Variants in MROH9 observed in about 807,000 individuals in gnomAD.
MROH9 encodes the protein maestro heat like repeat family member 9.
MROH9 carries 92 observed loss-of-function variants against 98.2 expected under a neutral mutation model. The observed-to-expected ratio is 0.94, with a 90% CI of 0.79 to 1.11. MROH9 has a LOEUF of 1.11. MROH9 is among the 50% of genes most tolerant of loss of function. The pLI, the probability that MROH9 is intolerant of heterozygous loss-of-function variation, is 0.00. For synonymous variants in MROH9, 397 were observed against 368.9 expected (o/e 1.08, Z -0.87); for missense variants, 1,057 against 1,014.8 (o/e 1.04, Z -0.57).
chr1:170,951,652 T>C (rs1649556953), intron 3 of MROH9, among the ~76,000 whole-genome samples: 1 of 152,106 alleles, frequency 6.6e-6, no homozygotes, highest in Non-Finnish European at 1.5e-5. Context: ...GAAAGACACC[T>C]CCTAGCTGAA....
chr1:171,004,536 G>C (rs1204263836), intron 15 of MROH9, among the ~76,000 whole-genome samples: 3 of 152,162 alleles, frequency 2.0e-5, no homozygotes, highest in Admixed American at 6.5e-5. Flanking sequence ...CTCCAGTCAG[G>C]TTGTGTGTTT....
At chr1:170,935,982 CAAAAAAA>C (rs59883013) in intron 1 of MROH9, among the ~76,000 whole-genome samples, 13,254 of 61,570 alleles carry the variant, frequency 0.22, 189 homozygotes, top group South Asian at 0.28. Flanking sequence ...CAGAGTGAGA[CAAAAAAA>C]AAAAAAAAAA....
Position 170,976,836 on chromosome 1 carries a change from G to A in MROH9, c.616+4953G>A, listed in dbSNP as rs759056826. Reference sequence around the variant, plus strand: ...TATCCTGAAATGTTTCCAAGTTGTTGGCTTTCTCTCCATCTATTGCAGGGA... The same window carrying A: ...TATCCTGAAATGTTTCCAAGTTGTTAGCTTTCTCTCCATCTATTGCAGGGA... On this transcript the variant is annotated intron_variant, in intron 8 of 21. Coordinates refer to ENST00000367759, the MANE Select transcript of MROH9 (RefSeq NM_001163629.2). Among the ~76,000 whole-genome samples, 96 of 152,184 alleles carry A rather than the reference G, an allele frequency of 6.3e-4. 1 individual carries two copies. The highest frequency in any genetic ancestry group is 6.8e-3 in the Middle Eastern group (2 of 294).
At chr1:170,940,261 G>C (rs536960290) in intron 1 of MROH9, among the ~76,000 whole-genome samples, 1 of 152,128 alleles carries the variant, frequency 6.6e-6, no homozygotes, top group African/African-American at 2.4e-5. Context: ...GAGATAGAAG[G>C]CCTCTGAATT....
At chr1:171,059,445 T>C (rs1464748371) in intron 20 of MROH9, among the ~76,000 whole-genome samples, 1 of 152,184 alleles carries the variant, frequency 6.6e-6, no homozygotes, top group Admixed American at 6.5e-5. Flanking sequence ...TTGGTGGGAA[T>C]GTAGATTAGT....
chr1:171,015,134 G>A (rs1285551888), intron 16 of MROH9: 1 of 456,922 alleles, frequency 2.2e-6, no homozygotes, highest in Non-Finnish European at 4.5e-6. Context: ...ATAAATCGTT[G>A]TTTATCTAAT....
chr1:171,040,621 C>T (rs1044683742), intron 20 of MROH9, among the ~76,000 whole-genome samples: 3 of 152,092 alleles, frequency 2.0e-5, no homozygotes, highest in East Asian at 1.9e-4. Flanking sequence ...TGGACACCCT[C>T]TAGCCATGTG....
chr1:171,044,341 A>C (rs1453504424), intron 20 of MROH9, among the ~76,000 whole-genome samples: 2 of 152,138 alleles, frequency 1.3e-5, no homozygotes, highest in Admixed American at 1.3e-4. Flanking sequence ...TGATCTTTCT[A>C]ATGCATTGTT....
intron 20 of MROH9, among the ~76,000 whole-genome samples, 170 bp downstream of exon 20, chr1:171,025,590 A>G (rs1437269918): frequency 6.6e-6 from 1 of 152,210 alleles, no homozygotes; most frequent in Non-Finnish European, 1.5e-5. Flanking sequence ...GTTCTATTTT[A>G]TAATACACAG....
At chr1:171,055,032 TA>T (rs375031261) in intron 20 of MROH9, among the ~76,000 whole-genome samples, 2,127 of 122,310 alleles carry the variant, frequency 0.017, 13 homozygotes, top group Non-Finnish European at 0.018. Context: ...GAAGTCATTA[TA>T]AAAAAAAAAA....
intron 17 of MROH9, among the ~76,000 whole-genome samples, chr1:171,019,363 A>G (rs1405387494): frequency 1.3e-5 from 2 of 151,886 alleles, no homozygotes; most frequent in Non-Finnish European, 2.9e-5. Context: ...TCATAAGGCT[A>G]GAAACATCGG....
At chr1:171,032,182 C>T (rs550862731) in intron 20 of MROH9, among the ~76,000 whole-genome samples, 2 of 152,120 alleles carry the variant, frequency 1.3e-5, no homozygotes, top group Admixed American at 6.5e-5. Context: ...CTCCTATAAC[C>T]TTTTATCAAA....
At chr1:171,029,525 G>A (rs948997236) in intron 20 of MROH9, among the ~76,000 whole-genome samples, 2 of 152,096 alleles carry the variant, frequency 1.3e-5, no homozygotes, top group Non-Finnish European at 2.9e-5. Flanking sequence ...TTTATCAAAC[G>A]CCTTTTCTGC....
intron 17 of MROH9, among the ~76,000 whole-genome samples, chr1:171,021,910 A>AAAAC (rs1553219198): frequency 1.3e-5 from 2 of 151,706 alleles, no homozygotes; most frequent in Non-Finnish European, 2.9e-5. Flanking sequence ...AAGAAAAAAA[A>AAAAC]AAAATGACCC....
intron 8 of MROH9, 110 bp downstream of exon 8, chr1:170,971,993 C>T (rs1030636931): frequency 2.6e-6 from 3 of 1,154,156 alleles, no homozygotes; most frequent in Middle Eastern, 2.0e-4. Flanking sequence ...AATCCTGCCC[C>T]AAGAGTCATG....
In MROH9 at chr1:171,043,321, G is replaced by C. The variant is rs111668761; in HGVS notation, c.2281+17901G>C. On this transcript the variant is annotated intron_variant, in intron 20 of 21. Transcript: ENST00000367759. ...GATTTCTTTCTGGGTTCTCTATTCTGTTCCATTGGTCTGTGTGTCTGTTTT... is the reference window on the plus strand; with the variant it reads ...GATTTCTTTCTGGGTTCTCTATTCTCTTCCATTGGTCTGTGTGTCTGTTTT... Among the ~76,000 whole-genome samples the C allele has an allele frequency of 5.6e-3, 847 of 152,050 alleles. 10 individuals are homozygous for C. Among genetic ancestry groups the C allele is most frequent in the African/African-American group, 0.019 (803 of 41,466 alleles).
chr1:171,024,364 T>C, intron 17 of MROH9, 31 bp from the exon 18 acceptor site: 1 of 1,542,312 alleles, frequency 6.5e-7, no homozygotes, highest in Non-Finnish European at 8.8e-7. Flanking sequence ...GCCCTAATAT[T>C]ATCCTCAAAT....
At chr1:171,021,784 G>T (rs1652527985) in intron 17 of MROH9, among the ~76,000 whole-genome samples, 1 of 151,830 alleles carries the variant, frequency 6.6e-6, no homozygotes, top group Non-Finnish European at 1.5e-5. Context: ...CTTCTGCACA[G>T]CAAAAGAAAC....
At chr1:170,941,548 C>A (rs773487016) in intron 1 of MROH9, among the ~76,000 whole-genome samples, 3 of 152,190 alleles carry the variant, frequency 2.0e-5, no homozygotes, top group Non-Finnish European at 4.4e-5. Flanking sequence ...AAGAGTCAGA[C>A]TATTTTGACT....
Sources: allele counts gnomAD v4.1 joint callset (sites outside exome capture counted in the v4.1 genomes callset), GRCh38; gene constraint gnomAD v4.1.1; transcripts MANE v1.5; gene names NCBI Gene and HGNC (gene_info 2026-07-23, HGNC 2026-07-21).